The following LPP variants were observed in gnomAD, a reference collection of about 807,000 sequenced individuals.
LPP encodes the protein LIM domain containing preferred translocation partner in lipoma.
LPP carries 38 observed loss-of-function variants against 60.4 expected under a neutral mutation model. The ratio of observed to expected loss-of-function variants is 0.63; its 90% CI spans 0.49 to 0.83. The LOEUF is 0.83. Among genes scored for constraint, LPP ranks in the 40% least tolerant of loss-of-function variants. The pLI is 0.00. For synonymous variants in LPP, 328 were observed against 290.8 expected, an observed-to-expected ratio of 1.13 and a Z score of -1.30; for missense variants, 902 against 783.6, an observed-to-expected ratio of 1.15 and a Z score of -1.80.
At chr3:188,762,451 A>C (rs916588438) in intron 9 of LPP, among the ~76,000 whole-genome samples, 1 of 152,348 alleles carries the variant, frequency 6.6e-6, no homozygotes, top group African/African-American at 2.4e-5. Flanking sequence ...AGTGAAATTC[A>C]CTGGGCTTTA....
intron 4 of LPP, among the ~76,000 whole-genome samples, chr3:188,470,319 C>CACAA: frequency 6.7e-6 from 1 of 148,878 alleles, no homozygotes; most frequent in African/African-American, 2.5e-5. Flanking sequence ...CACACACACA[C>CACAA]GCACACATAA....
chr3:188,167,101 C>A (rs1460674609), intron 1 of LPP, among the ~76,000 whole-genome samples: 1 of 152,214 alleles, frequency 6.6e-6, no homozygotes, highest in East Asian at 1.9e-4. Context: ...GTTACTTAGC[C>A]TCTCTGAACT....
intron 2 of LPP, among the ~76,000 whole-genome samples, chr3:188,238,092 C>T (rs993829747): frequency 6.6e-6 from 1 of 152,180 alleles, no homozygotes; most frequent in African/African-American, 2.4e-5. Flanking sequence ...CTTTTCCTTG[C>T]ACTTTTATGT....
chr3:188,753,785 G>A (rs569206746), intron 8 of LPP, among the ~76,000 whole-genome samples: 1 of 152,112 alleles, frequency 6.6e-6, no homozygotes, highest in South Asian at 2.1e-4. Context: ...GTGTGTGTGA[G>A]TGTGTATATG....
At chr3:188,652,529 G>A (rs902669248) in intron 7 of LPP, among the ~76,000 whole-genome samples, 9 of 151,902 alleles carry the variant, frequency 5.9e-5, no homozygotes, top group Middle Eastern at 3.4e-3. Flanking sequence ...AAACAGAACC[G>A]ATTCTGTAAA....
At chr3:188,511,117 CCTTCCTACCTGCTTCCCTCCTTT>C (rs1265542250) in intron 5 of LPP, among the ~76,000 whole-genome samples, 14 of 118,398 alleles carry the variant, frequency 1.2e-4, no homozygotes, top group Admixed American at 3.5e-4. Flanking sequence ...CTTCCTCCTT[CCTTCCTACCTGCTTCCCTCCTTT>C]CTTCCTACCT....
At chr3:188,787,734 T>A (rs1421226202) in intron 9 of LPP, among the ~76,000 whole-genome samples, 2 of 152,194 alleles carry the variant, frequency 1.3e-5, no homozygotes, top group African/African-American at 4.8e-5. Flanking sequence ...CTCTCTTCAT[T>A]CCTTAAATTC....
At chr3:188,803,750 C>T (rs538394101) in intron 9 of LPP, among the ~76,000 whole-genome samples, 19 of 152,252 alleles carry the variant, frequency 1.2e-4, no homozygotes, top group African/African-American at 4.3e-4. Flanking sequence ...TCAGGTAGTA[C>T]GGTTTGTTCT....
chr3:188,647,600 G>T (rs919700573), intron 7 of LPP, among the ~76,000 whole-genome samples: 2 of 152,150 alleles, frequency 1.3e-5, no homozygotes, highest in African/African-American at 2.4e-5. Flanking sequence ...AGGAGGTGTG[G>T]ATGTGAGACA....
chr3:188,358,198 T>C (rs1768165740), intron 3 of LPP, among the ~76,000 whole-genome samples: 1 of 152,216 alleles, frequency 6.6e-6, no homozygotes, highest in South Asian at 2.1e-4. Flanking sequence ...GATCCAGAGA[T>C]GTTACATAAT....
intron 1 of LPP, among the ~76,000 whole-genome samples, chr3:188,160,275 A>G (rs760663134): frequency 3.0e-4 from 45 of 150,496 alleles, no homozygotes; most frequent in Admixed American, 1.2e-3. Flanking sequence ...GCTCACTGCA[A>G]CCTCCGCCTC....
At chr3:188,539,435 G>A (rs1053389374) in intron 6 of LPP, among the ~76,000 whole-genome samples, 5 of 152,160 alleles carry the variant, frequency 3.3e-5, no homozygotes, top group African/African-American at 7.2e-5. Flanking sequence ...TCCGACTCTC[G>A]TGTAGCTTGA....
intron 9 of LPP, among the ~76,000 whole-genome samples, chr3:188,795,587 T>G (rs775960006): frequency 6.6e-6 from 1 of 152,188 alleles, no homozygotes; most frequent in Non-Finnish European, 1.5e-5. Context: ...GCTCATTCAC[T>G]TTCACACAGT....
intron 9 of LPP, among the ~76,000 whole-genome samples, chr3:188,769,662 C>A (rs190964328): frequency 1.7e-4 from 26 of 152,228 alleles, no homozygotes; most frequent in African/African-American, 6.3e-4. Flanking sequence ...TGAGGTTATA[C>A]GATTTATTAA....
chr3:188,395,468 T>C (rs1265031183), intron 3 of LPP, among the ~76,000 whole-genome samples: 1 of 152,060 alleles, frequency 6.6e-6, no homozygotes, highest in Non-Finnish European at 1.5e-5. Flanking sequence ...ACTCCAGGCC[T>C]CAAGCAATCC....
intron 3 of LPP, among the ~76,000 whole-genome samples, chr3:188,358,875 A>G (rs1344431926): frequency 1.3e-5 from 2 of 152,188 alleles, no homozygotes; most frequent in East Asian, 3.9e-4. Flanking sequence ...TAGTCCAAGG[A>G]GGTACCACTC....
intron 6 of LPP, among the ~76,000 whole-genome samples, chr3:188,536,002 A>ATTTTTTT (rs11293389): frequency 3.4e-4 from 41 of 121,738 alleles, no homozygotes; most frequent in Middle Eastern, 4.9e-3. Context: ...TATTACATGA[A>ATTTTTTT]TTTTTTTTTT....
chr3:188,626,568 C>T (rs1846887410), intron 7 of LPP, among the ~76,000 whole-genome samples: 1 of 152,046 alleles, frequency 6.6e-6, no homozygotes, highest in Non-Finnish European at 1.5e-5. Context: ...AGGTTGCTTT[C>T]CTCTAAGAGC....
intron 9 of LPP, among the ~76,000 whole-genome samples, chr3:188,804,258 TATATATATATATATATATATATATAA>T (rs1380652673): frequency 2.7e-5 from 3 of 112,956 alleles, no homozygotes; most frequent in Non-Finnish European, 5.4e-5. Context: ...TATATATATA[TATATATATATATATATATATATATAA>T]AATGGAATAC....
Sources: allele counts gnomAD v4.1 joint callset (sites outside exome capture counted in the v4.1 genomes callset), GRCh38; gene constraint gnomAD v4.1.1; transcripts MANE v1.5; gene names NCBI Gene and HGNC (gene_info 2026-07-23, HGNC 2026-07-21).